The following XK variants were observed in gnomAD, a reference collection of about 807,000 sequenced individuals.
The protein encoded by XK is X-linked Kx blood group antigen, Kell and VPS13A binding protein.
XK carries 2 observed loss-of-function variants against 14.0 expected under a neutral mutation model. The ratio of observed to expected loss-of-function variants is 0.14; its 90% CI spans 0.06 to 0.45. The LOEUF is 0.45. Ranked by LOEUF, XK falls within the 20% of genes least tolerant of loss-of-function variation. The probability of loss-of-function intolerance (pLI) is 0.98; values close to 1 mark genes in which losing one functional copy is unlikely to be tolerated. For missense variants in XK, 235 were observed against 341.5 expected (o/e 0.69, Z 2.46); for synonymous variants, 149 against 147.5 (o/e 1.01, Z -0.08).
chrX:37,702,099 G>T (rs1454297182), intron 2 of XK, among the ~76,000 whole-genome samples: 1 of 111,907 alleles, frequency 8.9e-6, no homozygotes, highest in Non-Finnish European at 1.9e-5. Context: ...CTTCGGCCAG[G>T]GGAGGGGGTG....
Position 37,727,956 on chromosome X carries a change from A to G in XK, c.829A>G (p.Thr277Ala). The G allele has an allele frequency of 8.3e-7, 1 of 1,211,022 alleles. No homozygotes were observed. The highest frequency in any genetic ancestry group is 1.1e-6 in the Non-Finnish European group (1 of 895,236). ...IEKALSRVGT[T>A]IVLCFLTLLY... is the part of the protein sequence containing the mutation. Reference sequence around the variant, plus strand: ...GAAGGCCCTCAGTAGAGTGGGCACCACCATTGTACTATGCTTTCTAACTTT... The same window carrying G: ...GAAGGCCCTCAGTAGAGTGGGCACCGCCATTGTACTATGCTTTCTAACTTT... The change falls in exon 3 of 3, where the codon ACC becomes GCC. Residue 277 changes from threonine (T) to alanine (A), a missense_variant. Physicochemically the swap from Thr to Ala is moderately conservative, Grantham distance 58. Transcript: ENST00000378616.
Position 37,728,229 on chromosome X carries a change from G to T in XK, c.1102G>T (p.Val368Leu). ...GYCTAILFMLVFYQFFHPCKK... is the reference protein window; with the variant it reads ...GYCTAILFMLLFYQFFHPCKK... ...CTGCACAGCCATTCTCTTCATGCTT[G>T]TATTCTATCAGTTCTTCCACCCTTG... is the stretch of plus-strand genomic sequence containing the variant. Residue 368 changes from valine to leucine, a missense_variant, in exon 3 of 3, where the codon GTA becomes TTA. Coordinates refer to ENST00000378616, the MANE Select transcript of XK (RefSeq NM_021083.4). The T allele has an allele frequency of 8.3e-7, 1 of 1,211,366 alleles. No individual in the cohort carries two copies. The highest frequency in any genetic ancestry group is 1.1e-6 in the Non-Finnish European group (1 of 895,394).
chrX:37,716,877 AAGG>A (rs1927778076), intron 2 of XK, among the ~76,000 whole-genome samples: 2 of 111,626 alleles, frequency 1.8e-5, no homozygotes, highest in African/African-American at 6.5e-5. Context: ...GATGATAAGG[AAGG>A]AGGACAAGTT....
chrX:37,713,141 G>A (rs1556447090), intron 2 of XK, among the ~76,000 whole-genome samples: 1 of 111,674 alleles, frequency 9.0e-6, no homozygotes, highest in Admixed American at 9.5e-5. Flanking sequence ...TGTAATTTGT[G>A]TAGGTATCTG....
At chrX:37,710,522 G>A (rs782537551) in intron 2 of XK, among the ~76,000 whole-genome samples, 4 of 111,870 alleles carry the variant, frequency 3.6e-5, no homozygotes, top group Non-Finnish European at 7.5e-5. Flanking sequence ...ATGGCCGGGC[G>A]TGGTGGCTCA....
intron 2 of XK, among the ~76,000 whole-genome samples, chrX:37,726,451 G>A (rs782401519): frequency 1.8e-5 from 2 of 111,619 alleles, no homozygotes; most frequent in East Asian, 2.8e-4. Flanking sequence ...AGAAAAAAAC[G>A]AGAGCCAGGC....
At chrX:37,697,753 C>T (rs1274176667) in intron 2 of XK, among the ~76,000 whole-genome samples, 1 of 112,018 alleles carries the variant, frequency 8.9e-6, no homozygotes, top group African/African-American at 3.2e-5. Flanking sequence ...CAATCACCAC[C>T]ACTGTCTAGT....
In XK at chrX:37,685,819, G is replaced by A; in HGVS notation, c.-143G>A. The A allele has an allele frequency of 1.8e-5, 9 of 501,430 alleles. No individual in the cohort carries two copies. The South Asian group carries it at 3.7e-4, about 21-fold the overall frequency. 41.3% of individuals were successfully genotyped at this position (501,430 alleles called of 1,213,427 possible). On this transcript the variant is annotated 5_prime_UTR_variant, in exon 1 of 3. In the 5' UTR this introduces an upstream ATG that the reference lacks. Coordinates refer to ENST00000378616, the MANE Select transcript of XK (RefSeq NM_021083.4). ...GCCCAGGCCGGTCGGCCGGGCCCGC[G>A]TGCCCTCGGCGGGCTGCGCAGAGCG...
intron 2 of XK, among the ~76,000 whole-genome samples, chrX:37,700,654 G>A (rs1556443595): frequency 8.9e-6 from 1 of 111,869 alleles, no homozygotes; most frequent in African/African-American, 3.3e-5. Context: ...CTTCCTCATT[G>A]GCTTTGAACT....
intron 2 of XK, among the ~76,000 whole-genome samples, chrX:37,721,762 G>T (rs1275943600): frequency 4.5e-5 from 5 of 111,666 alleles, no homozygotes; most frequent in African/African-American, 1.6e-4. Context: ...GTTCATAACA[G>T]CACTATTCAC....
intron 2 of XK, among the ~76,000 whole-genome samples, chrX:37,695,475 T>G (rs1301299553): frequency 9.0e-6 from 1 of 111,231 alleles, no homozygotes; most frequent in Admixed American, 9.5e-5. Context: ...GAGTCAAGAT[T>G]TTAATGAAAA....
intron 2 of XK, among the ~76,000 whole-genome samples, chrX:37,696,242 C>G (rs1355976899): frequency 8.9e-6 from 1 of 112,365 alleles, no homozygotes; most frequent in Non-Finnish European, 1.9e-5. Context: ...CGAGTAGTTG[C>G]AATAAACATA....
At position 37,731,672 on chromosome X, in the gene XK, C is replaced by T. The variant is rs782227576; in HGVS notation, c.*3210C>T. 2.7e-5 allele frequency: 3 copies of T among 111,737 alleles called. No individual in the cohort carries two copies. Among genetic ancestry groups the T allele is most frequent in the Non-Finnish European group, 5.7e-5 (3 of 53,086 alleles). The allele number at this position is 111,737 out of a possible 1,213,427, so 9.2% of individuals were successfully genotyped here. On this transcript the variant is annotated 3_prime_UTR_variant, in exon 3 of 3. Coordinates refer to ENST00000378616, the MANE Select transcript of XK (RefSeq NM_021083.4). ...TGGATATGCGAATCTTTGGTCTTCT[C>T]GACAGGTGCCCTTTCTCTTACCACT... is the stretch of plus-strand genomic sequence containing the variant.
intron 2 of XK, among the ~76,000 whole-genome samples, chrX:37,698,882 A>C (rs910808932): frequency 6.2e-5 from 7 of 112,160 alleles, no homozygotes; most frequent in Non-Finnish European, 1.3e-4. Flanking sequence ...AATGAGGCAA[A>C]TGTTTCCAAA....
At chrX:37,727,065 A>G (rs1556450173) in intron 2 of XK, among the ~76,000 whole-genome samples, 1 of 111,747 alleles carries the variant, frequency 8.9e-6, no homozygotes, top group Non-Finnish European at 1.9e-5. Context: ...AGGACTCTAC[A>G]TATTCAGACA....
At position 37,729,464 on chromosome X, in the gene XK, C is replaced by T. The variant is rs782217288; in HGVS notation, c.*1002C>T. On this transcript the variant is annotated 3_prime_UTR_variant, in exon 3 of 3. Coordinates refer to ENST00000378616, the MANE Select transcript of XK (RefSeq NM_021083.4). ...AGAAACTTTTTCTAAATTATAAAGACGGAATGACCAGAAAATTTTTGTCTT... is the reference window on the plus strand; with the variant it reads ...AGAAACTTTTTCTAAATTATAAAGATGGAATGACCAGAAAATTTTTGTCTT... The T allele has an allele frequency of 7.7e-4, 86 of 111,895 alleles. No homozygotes were observed. Among genetic ancestry groups the T allele is most frequent in the African/African-American group, 2.6e-3 (80 of 30,859 alleles). 9.2% of individuals were successfully genotyped at this position (111,895 alleles called of 1,213,427 possible).
Position 37,694,274 on chromosome X carries a change from AT to A in XK, c.246-9del, listed in dbSNP as rs1927263319. On this transcript the variant is annotated splice_polypyrimidine_tract_variant and intron_variant, in intron 1 of 2. Coordinates refer to ENST00000378616, the MANE Select transcript of XK (RefSeq NM_021083.4). ...TGTCTCTAATTATTATGATTTCCTG[AT>A]TTGTTTTCAGGTGTTTTGAAGTCTT... 2.5e-6 allele frequency: 3 copies of A among 1,211,203 alleles called. No individual in the cohort carries two copies. The highest frequency in any genetic ancestry group is 2.2e-6 in the Non-Finnish European group (2 of 895,072).
intron 2 of XK, among the ~76,000 whole-genome samples, chrX:37,713,115 C>A (rs1927698358): frequency 9.0e-6 from 1 of 111,081 alleles, no homozygotes; most frequent in Non-Finnish European, 1.9e-5. Flanking sequence ...GCAGTCGTTT[C>A]TCTTCCTTAT....
chrX:37,695,825 A>G (rs898316801), intron 2 of XK, among the ~76,000 whole-genome samples: 3 of 111,871 alleles, frequency 2.7e-5, no homozygotes, highest in East Asian at 2.8e-4. Flanking sequence ...TTGAACCTTA[A>G]TGGATCAACA....
Sources: gnomAD v4.1 joint callset for allele counts (sites outside exome capture counted in the v4.1 genomes callset) on GRCh38, gnomAD v4.1.1 for gene constraint, MANE v1.5 for transcripts, NCBI Gene and HGNC (gene_info 2026-07-23, HGNC 2026-07-21) for gene names.